The following NBEA variants were observed in gnomAD, a reference collection of about 807,000 sequenced individuals.
NBEA encodes the protein neurobeachin.
A neutral mutation model predicts 343.4 loss-of-function variants in NBEA; 44 were observed. That is an observed-to-expected ratio of 0.13 (90% CI 0.10 to 0.16). The LOEUF (loss-of-function observed/expected upper bound fraction) is 0.16, where lower values mean the gene tolerates loss of function less well. Among genes scored for constraint, NBEA ranks in the 10% least tolerant of loss-of-function variants. The pLI is 1.00. For synonymous variants in NBEA, 1,175 were observed against 1,238.7 expected (o/e 0.95, Z 1.08); for missense variants, 2,555 against 3,631.3 (o/e 0.70, Z 7.62).
At position 35,040,982 on chromosome 13, in the gene NBEA, C is replaced by A. The variant is rs1243808771; in HGVS notation, c.344C>A (p.Ala115Asp). 2 of 1,613,102 alleles carry A rather than the reference C, an allele frequency of 1.2e-6. No individual in the cohort carries two copies. The highest frequency in any genetic ancestry group is 1.7e-6 in the Non-Finnish European group (2 of 1,179,386). ...DLEMNFIIQD[A>D]ESITCMTELL... is the part of the protein sequence containing the mutation. ...GAGATGAACTTTATTATCCAGGATGCTGAGAGTATAACATGTATGACAGAG... is the reference window on the plus strand; with the variant it reads ...GAGATGAACTTTATTATCCAGGATGATGAGAGTATAACATGTATGACAGAG... The change falls in exon 2 of 59, where the codon GCT (alanine) becomes GAT (aspartate). Residue 115 changes from alanine to aspartate, a missense_variant. Coordinates refer to ENST00000379939, the MANE Select transcript of NBEA (RefSeq NM_001385012.1).
chr13:35,500,433 A>G (rs2152979617), intron 41 of NBEA, among the ~76,000 whole-genome samples: 1 of 152,188 alleles, frequency 6.6e-6, no homozygotes, highest in East Asian at 1.9e-4. Flanking sequence ...TCCTTTACTG[A>G]TGGAGGCTCA....
intron 17 of NBEA, among the ~76,000 whole-genome samples, chr13:35,136,894 T>A (rs1218097694): frequency 1.3e-5 from 2 of 152,190 alleles, no homozygotes; most frequent in Non-Finnish European, 2.9e-5. Flanking sequence ...GTGAATTCAT[T>A]TGAAGTAGAC....
chr13:35,409,201 C>T (rs1057037188), intron 38 of NBEA, among the ~76,000 whole-genome samples: 1 of 151,972 alleles, frequency 6.6e-6, no homozygotes, highest in African/African-American at 2.4e-5. Flanking sequence ...ACGGGGACTT[C>T]GATAGAGCTG....
chr13:35,238,457 T>C (rs1405877539), intron 34 of NBEA, among the ~76,000 whole-genome samples: 1 of 152,234 alleles, frequency 6.6e-6, no homozygotes, highest in Non-Finnish European at 1.5e-5. Context: ...CAACTTCTCT[T>C]GCTTAGTCAT....
At position 35,628,205 on chromosome 13, in the gene NBEA, G is replaced by C. The variant is rs1323598857; in HGVS notation, c.7574G>C (p.Gly2525Ala). ...LNVFHYLTYE[G>A]SVNLDSITDP... is the part of the protein sequence containing the mutation. ...GTTTTTCACTACTTGACTTATGAAG[G>C]CTCTGTGAACCTGGATAGTATCACT... Residue 2525 changes from glycine (G) to alanine (A), a missense_variant, in exon 49 of 59, where the codon GGC becomes GCC. This residue lies in a region of NBEA where 87 missense variants were observed against 75.0 expected (regional missense o/e 1.16). Transcript: ENST00000379939. 1.2e-6 allele frequency: 2 copies of C among 1,612,738 alleles called. No individual in the cohort carries two copies. The highest frequency in any genetic ancestry group is 1.7e-6 in the Non-Finnish European group (2 of 1,179,374).
chr13:35,413,319 T>C (rs1325260581), intron 38 of NBEA, among the ~76,000 whole-genome samples: 1 of 152,196 alleles, frequency 6.6e-6, no homozygotes, highest in Non-Finnish European at 1.5e-5. Flanking sequence ...ACCACTTAAC[T>C]CTTGTAGCCA....
intron 41 of NBEA, among the ~76,000 whole-genome samples, chr13:35,487,996 C>T (rs2076364806): frequency 6.6e-6 from 1 of 151,832 alleles, no homozygotes; most frequent in Admixed American, 6.6e-5. Context: ...CATACCCACG[C>T]AGATAAATGC....
intron 36 of NBEA, among the ~76,000 whole-genome samples, chr13:35,320,528 T>C (rs929668346): frequency 6.6e-6 from 1 of 152,220 alleles, no homozygotes; most frequent in African/African-American, 2.4e-5. Flanking sequence ...GCCCTTAACA[T>C]TTTTTCCTTC....
intron 38 of NBEA, among the ~76,000 whole-genome samples, chr13:35,370,029 G>A (rs928496508): frequency 1.3e-5 from 2 of 152,048 alleles, no homozygotes; most frequent in South Asian, 2.1e-4. Flanking sequence ...TTCTATAAAT[G>A]TCTGTTAGAC....
chr13:35,044,857 AATG>A (rs1338283396), intron 2 of NBEA, 87 bp from the exon 3 acceptor site: 4 of 808,472 alleles, frequency 4.9e-6, no homozygotes, highest in Non-Finnish European at 7.8e-6. Context: ...GAGAGATAAC[AATG>A]ATAACTTTTT....
intron 8 of NBEA, among the ~76,000 whole-genome samples, chr13:35,059,901 A>T (rs932697945): frequency 1.3e-5 from 2 of 151,816 alleles, no homozygotes; most frequent in African/African-American, 4.8e-5. Context: ...AATACTTGCT[A>T]TCATGTATTT....
At chr13:35,119,878 C>T (rs1217419668) in intron 16 of NBEA, among the ~76,000 whole-genome samples, 3 of 152,122 alleles carry the variant, frequency 2.0e-5, no homozygotes, top group East Asian at 1.9e-4. Flanking sequence ...CGTAAGCCAC[C>T]GTGCCCAGCC....
At chr13:35,122,649 A>G (rs568461009) in intron 16 of NBEA, among the ~76,000 whole-genome samples, 144 of 152,192 alleles carry the variant, frequency 9.5e-4, no homozygotes, top group African/African-American at 3.2e-3. Flanking sequence ...CAGCACACCA[A>G]CATGGCACAT....
chr13:34,986,917 G>C lies in NBEA; in HGVS notation c.294+43803G>C, dbSNP rs1280732136. ...TGAGCCTCTGTGTGTCTCTGCACAT[G>C]GGATGGGTCTCCTGAATACAGCACA... On this transcript the variant is annotated intron_variant, in intron 1 of 58. Coordinates refer to ENST00000379939, the MANE Select transcript of NBEA (RefSeq NM_001385012.1). Among the ~76,000 whole-genome samples the C allele has an allele frequency of 2.0e-5, 3 of 150,902 alleles. 1 individual carries two copies. The highest frequency in any genetic ancestry group is 4.5e-5 in the Non-Finnish European group (3 of 67,386).
intron 48 of NBEA, among the ~76,000 whole-genome samples, chr13:35,621,792 C>G (rs904778811): frequency 1.3e-5 from 2 of 152,048 alleles, no homozygotes; most frequent in Non-Finnish European, 2.9e-5. Flanking sequence ...ATTTATTAAA[C>G]AGTTATTATC....
intron 6 of NBEA, 110 bp from the exon 7 acceptor site, chr13:35,055,900 T>G (rs1367076354): frequency 2.5e-6 from 2 of 815,650 alleles, no homozygotes; most frequent in Admixed American, 7.2e-5. Flanking sequence ...TAGATGATCC[T>G]TAATAGTCCT....
intron 25 of NBEA, 142 bp from the exon 26 acceptor site, chr13:35,171,130 T>G (rs1039208890): frequency 1.2e-6 from 1 of 829,144 alleles, no homozygotes; most frequent in Non-Finnish European, 2.0e-6. Context: ...TGGTGATATA[T>G]GGAATTAGTT....
chr13:35,055,926 T>C lies in NBEA; in HGVS notation c.973-84T>C, dbSNP rs778083578. 362 of 1,108,050 alleles carry C rather than the reference T, an allele frequency of 3.3e-4. 1 individual carries two copies. The highest frequency in any genetic ancestry group is 6.8e-4 in the South Asian group (30 of 44,038). 68.6% of individuals were successfully genotyped at this position (1,108,050 alleles called of 1,614,324 possible). A position where few individuals can be genotyped will look rare whatever the true frequency, so the allele number is the denominator to read the frequency against. ...TAATAGTCCTGTCAGCATATTCTTGTAGGGTTTTATGAATGTTACAATTGC... is the reference window on the plus strand; with the variant it reads ...TAATAGTCCTGTCAGCATATTCTTGCAGGGTTTTATGAATGTTACAATTGC... On this transcript the variant is annotated intron_variant, in intron 6 of 58. Transcript: ENST00000379939.
At chr13:35,133,785 A>G (rs2152687688) in intron 17 of NBEA, among the ~76,000 whole-genome samples, 1 of 152,196 alleles carries the variant, frequency 6.6e-6, no homozygotes, top group Non-Finnish European at 1.5e-5. Context: ...TCTAATTAAA[A>G]GTATAAAGAC....
Sources: gnomAD v4.1 joint callset for allele counts (sites outside exome capture counted in the v4.1 genomes callset) on GRCh38, gnomAD v4.1.1 for gene constraint, gnomAD v4.1.1 regional missense constraint, MANE v1.5 for transcripts, NCBI Gene and HGNC (gene_info 2026-07-23, HGNC 2026-07-21) for gene names.